Variants in ANK2 observed in about 807,000 individuals in gnomAD.
The protein encoded by ANK2 is ankyrin 2.
A neutral mutation model predicts 360.5 loss-of-function variants in ANK2; 83 were observed. That is an observed-to-expected ratio of 0.23 (90% CI 0.19 to 0.28). ANK2 has a LOEUF of 0.28. Ranked by LOEUF, ANK2 falls within the 10% of genes least tolerant of loss-of-function variation. ANK2 has a pLI of 1.00. For synonymous variants in ANK2, 1,740 were observed against 1,759.5 expected (o/e 0.99, Z 0.28); for missense variants, 4,201 against 4,795.7 (o/e 0.88, Z 3.66).
intron 2 of ANK2, among the ~76,000 whole-genome samples, chr4:113,040,289 A>G (rs896268604): frequency 2.6e-5 from 4 of 152,110 alleles, no homozygotes; most frequent in Non-Finnish European, 4.4e-5. Flanking sequence ...TTTATGTAAA[A>G]TAAGACATAG....
the ANK2 span, among the ~76,000 whole-genome samples, chr4:112,767,553 C>T: frequency 2.4e-5 from 3 of 127,470 alleles, no homozygotes; most frequent in African/African-American, 9.7e-5. Context: ...GGTGTCAGAG[C>T]GAGACCCTGT....
chr4:113,258,000 T>G, intron 11 of ANK2, 50 bp from the exon 12 acceptor site: 262 of 1,489,812 alleles, frequency 1.8e-4, no homozygotes, highest in Non-Finnish European at 2.3e-4. Flanking sequence ...TGGAGTTGTG[T>G]GAGAATTGTT....
rs780798461 is a variant in ANK2, at chr4:113,356,499, T to C, written c.7881T>C (p.Asp2627=). The C allele has an allele frequency of 6.2e-7, 1 of 1,614,134 alleles. No homozygotes were observed. Residue 2627 remains aspartate, a synonymous_variant, in exon 38 of 46, where the codon GAT becomes GAC. Transcript: ENST00000357077. ...AATCTTCTTCATCTTCTGACCCAGA[T>C]GCTGACTGTTCAGTAGATGTGGATG... The part of the protein sequence containing the change: ...QEESSSSSDP[D]ADCSVDVDEP...
At chr4:113,050,414 T>C (rs1043564029) in intron 1 of ANK2, among the ~76,000 whole-genome samples, 21 of 152,082 alleles carry the variant, frequency 1.4e-4, no homozygotes, top group African/African-American at 4.6e-4. Context: ...CAGCTAAAGA[T>C]GTTATGGGGT....
At chr4:112,908,337 A>G (rs567664123) in intron 2 of ANK2, among the ~76,000 whole-genome samples, 1 of 152,340 alleles carries the variant, frequency 6.6e-6, no homozygotes, top group East Asian at 1.9e-4. Context: ...TCAAACTCAT[A>G]CTGCAAATCA....
At chr4:113,157,145 T>A (rs1280825045) in intron 1 of ANK2, among the ~76,000 whole-genome samples, 1 of 152,202 alleles carries the variant, frequency 6.6e-6, no homozygotes, top group Non-Finnish European at 1.5e-5. Context: ...TATTATGGGT[T>A]TCATTTCTAC....
chr4:112,980,568 G>A (rs553288324), intron 2 of ANK2: 1 of 152,328 alleles, frequency 6.6e-6, no homozygotes, highest in East Asian at 1.9e-4. Context: ...AGTTCTGCTT[G>A]TGAAAAAAGT....
chr4:112,891,253 C>A (rs1259913806), intron 1 of ANK2, among the ~76,000 whole-genome samples: 2 of 152,156 alleles, frequency 1.3e-5, no homozygotes, highest in African/African-American at 4.8e-5. Context: ...TCTTCCTTCC[C>A]ATGCTTCCTT....
chr4:113,321,054 A>G (rs757920879), intron 26 of ANK2, among the ~76,000 whole-genome samples: 5 of 152,226 alleles, frequency 3.3e-5, no homozygotes, highest in Non-Finnish European at 5.9e-5. Context: ...ATCGTGGTTA[A>G]TAGTGTGCTT....
At chr4:113,369,880 GT>G in intron 43 of ANK2, 75 bp downstream of exon 43, 1 of 1,599,580 alleles carries the variant, frequency 6.3e-7, no homozygotes, top group Non-Finnish European at 8.5e-7. Context: ...TTCTATGATG[GT>G]TTATTTTTTG....
chr4:113,217,793 C>G (rs1453272256), intron 4 of ANK2, among the ~76,000 whole-genome samples: 1 of 152,180 alleles, frequency 6.6e-6, no homozygotes, highest in African/African-American at 2.4e-5. Flanking sequence ...GACACTAAGT[C>G]TCGGTACCGA....
At chr4:113,375,231 C>G (rs1190065625) in intron 45 of ANK2, among the ~76,000 whole-genome samples, 2 of 152,130 alleles carry the variant, frequency 1.3e-5, no homozygotes, top group African/African-American at 4.8e-5. Flanking sequence ...GATTATACAT[C>G]TTGTTTAAAA....
intron 45 of ANK2, among the ~76,000 whole-genome samples, chr4:113,376,533 A>G (rs1456662483): frequency 6.6e-6 from 1 of 152,176 alleles, no homozygotes; most frequent in African/African-American, 2.4e-5. Context: ...AACACTGTAC[A>G]CTTAGGCTAT....
chr4:112,893,141 T>C (rs1368046406), intron 1 of ANK2, among the ~76,000 whole-genome samples: 1 of 152,166 alleles, frequency 6.6e-6, no homozygotes, highest in African/African-American at 2.4e-5. Flanking sequence ...AAGATAACAC[T>C]ACTTTATGTG....
rs75676913 is a variant in ANK2, at chr4:113,111,414, G to A, written c.84+61602G>A. ...AACAACAAATTTCTTCATGGATAAA[G>A]GCACGACATAAATGAGCACACAAAA... On this transcript the variant is annotated intron_variant, in intron 1 of 45. Transcript: ENST00000357077. Among the ~76,000 whole-genome samples, 1,299 of 152,232 alleles carry A rather than the reference G, an allele frequency of 8.5e-3. 18 individuals are homozygous for A. Among genetic ancestry groups the A allele is most frequent in the Middle Eastern group, 0.048 (14 of 292 alleles).
In ANK2 at chr4:113,358,427, G is replaced by T. The variant is rs766752639; in HGVS notation, c.9809G>T (p.Gly3270Val). The change falls in exon 38 of 46, where the codon GGT (glycine) becomes GTT (valine). Residue 3270 changes from glycine (G) to valine (V), a missense_variant. This residue lies in a region of ANK2 where 2,642 missense variants were observed against 2,714.5 expected (regional missense o/e 0.97). Coordinates refer to ENST00000357077, the MANE Select transcript of ANK2 (RefSeq NM_001148.6). Reference sequence around the variant, plus strand: ...ACCAGGTCTGTTTATTCAGATAGGGGTGATGATTCTCCCGATTCTTCCCCA... The same window carrying T: ...ACCAGGTCTGTTTATTCAGATAGGGTTGATGATTCTCCCGATTCTTCCCCA... Reference protein sequence around the residue: ...TLTRSVYSDRGDDSPDSSPEE... With the variant: ...TLTRSVYSDRVDDSPDSSPEE... The T allele has an allele frequency of 3.1e-6, 5 of 1,613,960 alleles. No homozygotes were observed. In the East Asian group the frequency reaches 6.7e-5, roughly 22 times the overall value.
chr4:112,999,925 G>GA lies in ANK2; in HGVS notation c.21+95418dup, dbSNP rs571898981. ...TGTGGCAATTAAGAGTGACAGAGAG[G>GA]AAAAAAACTTTTCCTCTATGCTCCT... On this transcript the variant is annotated intron_variant, in intron 2 of 30. Coordinates refer to the ANK2 transcript ENST00000503271. Among the ~76,000 whole-genome samples the GA allele has an allele frequency of 5.2e-3, 795 of 152,132 alleles. 11 individuals carry two copies. Among genetic ancestry groups the GA allele is most frequent in the African/African-American group, 0.018 (750 of 41,500 alleles).
intron 1 of ANK2, among the ~76,000 whole-genome samples, chr4:113,143,007 C>CA (rs5861125): frequency 0.44 from 64,845 of 148,638 alleles, 14,632 homozygotes; most frequent in African/African-American, 0.55. Flanking sequence ...TGTTAATCTG[C>CA]AAAAAAAAAA....
the ANK2 span, among the ~76,000 whole-genome samples, chr4:112,780,534 A>G: frequency 6.6e-6 from 1 of 152,222 alleles, no homozygotes; most frequent in African/African-American, 2.4e-5. Context: ...TATTAATTTA[A>G]TGTATAATAT....
Sources: allele counts gnomAD v4.1 joint callset (sites outside exome capture counted in the v4.1 genomes callset), GRCh38; gene constraint gnomAD v4.1.1; regional missense constraint gnomAD v4.1.1; transcripts MANE v1.5; gene names NCBI Gene and HGNC (gene_info 2026-07-23, HGNC 2026-07-21).